Variants in DLEU7 observed in about 807,000 individuals in gnomAD.
The protein encoded by DLEU7 is leukemia-associated protein 7.
A neutral mutation model predicts 16.0 loss-of-function variants in DLEU7; 17 were observed. The ratio of observed to expected loss-of-function variants is 1.06; its 90% CI spans 0.73 to 1.59. The LOEUF (loss-of-function observed/expected upper bound fraction) is 1.59, where lower values mean the gene tolerates loss of function less well. Ranked by LOEUF, DLEU7 falls within the 40% of genes most tolerant of loss-of-function variation. The probability of loss-of-function intolerance (pLI) is 0.00; values close to 1 mark genes in which losing one functional copy is unlikely to be tolerated. For synonymous variants in DLEU7, 113 were observed against 139.8 expected, an observed-to-expected ratio of 0.81 and a Z score of 1.35; for missense variants, 308 against 314.9, an observed-to-expected ratio of 0.98 and a Z score of 0.17.
intron 1 of DLEU7, among the ~76,000 whole-genome samples, chr13:50,788,726 G>A (rs74078422): frequency 0.013 from 2,042 of 152,302 alleles, 40 homozygotes; most frequent in African/African-American, 0.047. Flanking sequence ...AAATGTGGAA[G>A]TGATTCATAG....
At chr13:50,842,979 C>T (rs1222989882) in intron 1 of DLEU7, among the ~76,000 whole-genome samples, 1 of 146,050 alleles carries the variant, frequency 6.8e-6, no homozygotes, top group Non-Finnish European at 1.5e-5. Flanking sequence ...GCCAGCCAGG[C>T]GGGCCTCAGG....
At chr13:50,742,658 C>T (rs897682646) in intron 1 of DLEU7, among the ~76,000 whole-genome samples, 21 of 152,128 alleles carry the variant, frequency 1.4e-4, no homozygotes, top group African/African-American at 4.6e-4. Flanking sequence ...GGTGGATGGG[C>T]GATCATCTGG....
In DLEU7 at chr13:50,843,065, G is replaced by C; in HGVS notation, c.459+123C>G. 1.0e-6 allele frequency: 1 copy of C among 1,000,368 alleles called. No homozygotes were observed. The highest frequency in any genetic ancestry group is 1.4e-6 in the Non-Finnish European group (1 of 718,922). 62.0% of individuals were successfully genotyped at this position (1,000,368 alleles called of 1,614,324 possible). ...CCCCCTTCCTTCTCCCACTGGGGCT[G>C]AATCACAGTGGGCAGCAGTGTTTGG... On this transcript the variant is annotated intron_variant, in intron 1 of 1. Transcript: ENST00000504404. The surrounding 1 kb of genome is among the most constrained non-coding windows in gnomAD (Gnocchi z 5.7).
At chr13:50,762,214 A>G (rs1003240350) in intron 1 of DLEU7, among the ~76,000 whole-genome samples, 2 of 151,442 alleles carry the variant, frequency 1.3e-5, no homozygotes, top group South Asian at 4.2e-4. Context: ...AAAAAAAAGA[A>G]AAGAAAATAT....
chr13:50,765,335 A>G (rs1417050298), intron 1 of DLEU7, among the ~76,000 whole-genome samples: 1 of 152,190 alleles, frequency 6.6e-6, no homozygotes, highest in African/African-American at 2.4e-5. Flanking sequence ...ATGTTTCTAC[A>G]TGGAGGACTT....
At chr13:50,737,762 T>C (rs760937825) in intron 1 of DLEU7, among the ~76,000 whole-genome samples, 10 of 152,136 alleles carry the variant, frequency 6.6e-5, no homozygotes, top group Non-Finnish European at 1.3e-4. Flanking sequence ...AGCCAATTAG[T>C]AACCCTACAG....
chr13:50,711,980 T>C (rs1873308587), exon 2 of DLEU7: 1 of 152,090 alleles, frequency 6.6e-6, no homozygotes, highest in Non-Finnish European at 1.5e-5. Flanking sequence ...TCAGGGACCA[T>C]TTATGAAACT....
At chr13:50,758,142 C>T (rs1021691580) in intron 1 of DLEU7, among the ~76,000 whole-genome samples, 1 of 147,308 alleles carries the variant, frequency 6.8e-6, no homozygotes, top group African/African-American at 2.5e-5. Flanking sequence ...GGTAGAATTA[C>T]AGGTGTGAGT....
At chr13:50,774,615 A>G (rs1004078561) in intron 1 of DLEU7, among the ~76,000 whole-genome samples, 1 of 152,122 alleles carries the variant, frequency 6.6e-6, no homozygotes, top group African/African-American at 2.4e-5. Context: ...GCGGAGTTTC[A>G]TGAATGTGTG....
chr13:50,788,458 A>G (rs981032701), intron 1 of DLEU7, among the ~76,000 whole-genome samples: 1 of 152,202 alleles, frequency 6.6e-6, no homozygotes, highest in Non-Finnish European at 1.5e-5. Context: ...AGTCAAAAGA[A>G]CAATTCCTGG....
intron 1 of DLEU7, among the ~76,000 whole-genome samples, chr13:50,714,929 T>G (rs1873397970): frequency 6.6e-6 from 1 of 152,210 alleles, no homozygotes; most frequent in African/African-American, 2.4e-5. Context: ...TGTGTGGGCT[T>G]CAAGCCTCAC....
At chr13:50,775,842 T>C (rs1875479616) in intron 1 of DLEU7, among the ~76,000 whole-genome samples, 1 of 152,238 alleles carries the variant, frequency 6.6e-6, no homozygotes, top group Non-Finnish European at 1.5e-5. Flanking sequence ...GCCATTAGTC[T>C]CTTTTTTATA....
chr13:50,758,886 C>A (rs1874840775), intron 1 of DLEU7, among the ~76,000 whole-genome samples: 1 of 152,188 alleles, frequency 6.6e-6, no homozygotes, highest in Non-Finnish European at 1.5e-5. Flanking sequence ...GGAAGTGAGT[C>A]ACTATGTCCA....
chr13:50,829,254 G>A (rs904458576), intron 1 of DLEU7, among the ~76,000 whole-genome samples: 4 of 152,138 alleles, frequency 2.6e-5, no homozygotes, highest in Non-Finnish European at 5.9e-5. Flanking sequence ...GCTAGGGAAT[G>A]GGAAAGTAGG....
At chr13:50,733,853 G>C (rs932329833) in intron 1 of DLEU7, among the ~76,000 whole-genome samples, 4 of 152,180 alleles carry the variant, frequency 2.6e-5, no homozygotes. Flanking sequence ...TCATTTTGCA[G>C]ATAAGGACAC....
chr13:50,762,189 C>CAAAA (rs71085045), intron 1 of DLEU7, among the ~76,000 whole-genome samples: 77 of 84,196 alleles, frequency 9.1e-4, no homozygotes, highest in African/African-American at 1.6e-3. Context: ...AGACTCGTCT[C>CAAAA]AAAAAAAAAA....
chr13:50,711,139 T>G (rs1349580571), downstream of DLEU7: 17 of 152,178 alleles, frequency 1.1e-4, no homozygotes, highest in African/African-American at 3.4e-4. Flanking sequence ...AAATACCAAA[T>G]TTGCCAATAT....
intron 1 of DLEU7, chr13:50,813,124 A>G (rs1023110105): frequency 2.0e-5 from 3 of 152,160 alleles, no homozygotes; most frequent in African/African-American, 7.2e-5. Context: ...TTTCTGACTA[A>G]TGCATGGATA....
At chr13:50,740,528 A>G (rs1354004731) in intron 1 of DLEU7, among the ~76,000 whole-genome samples, 1 of 152,156 alleles carries the variant, frequency 6.6e-6, no homozygotes, top group Non-Finnish European at 1.5e-5. Flanking sequence ...ACTTCACAAA[A>G]CAGTATACCA....
Sources: allele counts gnomAD v4.1 joint callset (sites outside exome capture counted in the v4.1 genomes callset), GRCh38; gene constraint gnomAD v4.1.1; non-coding constraint Gnocchi (gnomAD v3.1); transcripts MANE v1.5; gene names NCBI Gene and HGNC (gene_info 2026-07-23, HGNC 2026-07-21).